The following FHIT variants were observed in gnomAD, a reference collection of about 807,000 sequenced individuals.
FHIT encodes bis(5'-adenosyl)-triphosphatase.
A neutral mutation model predicts 17.9 loss-of-function variants in FHIT; 19 were observed. The ratio of observed to expected loss-of-function variants is 1.06; its 90% CI spans 0.74 to 1.56. FHIT has a LOEUF of 1.56. FHIT is among the 40% of genes most tolerant of loss of function. The probability of loss-of-function intolerance (pLI) is 0.00; values close to 1 mark genes in which losing one functional copy is unlikely to be tolerated. For missense variants in FHIT, 248 were observed against 189.2 expected (o/e 1.31, Z -1.82); for synonymous variants, 81 against 69.7 (o/e 1.16, Z -0.81).
At chr3:60,146,292 C>G (rs764124178) in intron 5 of FHIT, among the ~76,000 whole-genome samples, 24 of 151,042 alleles carry the variant, frequency 1.6e-4, no homozygotes, top group Non-Finnish European at 2.8e-4. Flanking sequence ...TGACTTGCAG[C>G]CAATTTCAAG....
intron 5 of FHIT, among the ~76,000 whole-genome samples, chr3:60,108,481 C>T (rs919708189): frequency 3.3e-5 from 5 of 152,092 alleles, no homozygotes; most frequent in Admixed American, 6.5e-5. Context: ...CTGTGTCCCA[C>T]CTATGCCTGA....
intron 3 of FHIT, among the ~76,000 whole-genome samples, chr3:60,914,513 CAA>C (rs782603421): frequency 8.7e-6 from 1 of 115,446 alleles, no homozygotes; most frequent in Admixed American, 8.9e-5. Flanking sequence ...GTAAGGTTTT[CAA>C]AAAAAAAAAA....
intron 5 of FHIT, among the ~76,000 whole-genome samples, chr3:60,396,857 A>G (rs1248167940): frequency 2.0e-5 from 3 of 152,328 alleles, no homozygotes; most frequent in African/African-American, 7.2e-5. Flanking sequence ...AAGGATACAT[A>G]TAAAGAATTT....
chr3:59,847,808 A>C (rs9855046), intron 8 of FHIT, among the ~76,000 whole-genome samples: 11,639 of 152,192 alleles, frequency 0.076, 1,403 homozygotes, highest in African/African-American at 0.26. Flanking sequence ...CTGAGGTATA[A>C]ACTTAAAGTC....
chr3:60,989,172 T>A (rs2029944911), intron 3 of FHIT, among the ~76,000 whole-genome samples: 1 of 152,112 alleles, frequency 6.6e-6, no homozygotes, highest in Admixed American at 6.5e-5. Flanking sequence ...TATTTATGTA[T>A]TTATTTTTTA....
chr3:60,287,736 GA>G (rs1267308106), intron 5 of FHIT, among the ~76,000 whole-genome samples: 12 of 152,052 alleles, frequency 7.9e-5, no homozygotes, highest in African/African-American at 2.7e-4. Flanking sequence ...GACAAAGAAG[GA>G]AAAGGAAAAG....
At chr3:59,923,221 C>CAAAAAAAAA (rs532237239) in intron 7 of FHIT, among the ~76,000 whole-genome samples, 3 of 67,486 alleles carry the variant, frequency 4.4e-5, no homozygotes, top group East Asian at 5.1e-4. Context: ...CGAGACTCCT[C>CAAAAAAAAA]AAAAAAAAAA....
intron 5 of FHIT, among the ~76,000 whole-genome samples, chr3:60,248,369 C>A (rs1409010905): frequency 2.6e-5 from 4 of 152,072 alleles, no homozygotes; most frequent in Admixed American, 6.6e-5. Flanking sequence ...AAATAAGAAG[C>A]ATTTACCTTG....
intron 5 of FHIT, among the ~76,000 whole-genome samples, chr3:60,500,210 T>C (rs2034466467): frequency 6.6e-6 from 1 of 152,222 alleles, no homozygotes. Context: ...CGTTTACCAA[T>C]TGATGATGTT....
chr3:61,211,415 C>T (rs2039467377), intron 1 of FHIT, among the ~76,000 whole-genome samples: 2 of 152,234 alleles, frequency 1.3e-5, no homozygotes, highest in Admixed American at 6.5e-5. Context: ...GCACAGCAGT[C>T]TGAGATCAAA....
chr3:60,511,429 C>T (rs1159408107), intron 5 of FHIT, among the ~76,000 whole-genome samples: 1 of 151,978 alleles, frequency 6.6e-6, no homozygotes, highest in Non-Finnish European at 1.5e-5. Context: ...TAAGGTATCT[C>T]TAAAGACACT....
intron 4 of FHIT, among the ~76,000 whole-genome samples, chr3:60,797,083 T>G (rs1701009458): frequency 6.6e-6 from 1 of 152,216 alleles, no homozygotes; most frequent in South Asian, 2.1e-4. Flanking sequence ...TCAAAGTTGT[T>G]TGCAAAATAT....
intron 3 of FHIT, among the ~76,000 whole-genome samples, chr3:60,971,945 C>G (rs1179769117): frequency 6.6e-6 from 1 of 152,116 alleles, no homozygotes; most frequent in East Asian, 1.9e-4. Context: ...TTTTTCAAAA[C>G]AACAAATTGG....
chr3:60,971,067 C>T (rs1005490802), intron 3 of FHIT, among the ~76,000 whole-genome samples: 8 of 152,106 alleles, frequency 5.3e-5, no homozygotes, highest in South Asian at 4.2e-4. Flanking sequence ...ATCACACATA[C>T]GAAAAAATAA....
chr3:60,854,435 C>A (rs1703288112), intron 3 of FHIT, among the ~76,000 whole-genome samples: 1 of 151,898 alleles, frequency 6.6e-6, no homozygotes, highest in South Asian at 2.1e-4. Context: ...AGAAAGCTTT[C>A]TTTTCCGGAT....
intron 5 of FHIT, among the ~76,000 whole-genome samples, chr3:60,076,003 C>A (rs1294140135): frequency 6.6e-6 from 1 of 152,050 alleles, no homozygotes; most frequent in Non-Finnish European, 1.5e-5. Flanking sequence ...TGTCTATCTG[C>A]AATTGTTACT....
intron 5 of FHIT, among the ~76,000 whole-genome samples, chr3:60,129,055 T>TTG (rs1245927601): frequency 1.6e-5 from 2 of 125,284 alleles, no homozygotes; most frequent in Non-Finnish European, 3.4e-5. Context: ...TTTTGTTTGT[T>TTG]TTTTTTTTTT....
intron 3 of FHIT, among the ~76,000 whole-genome samples, chr3:60,849,858 C>G (rs950792888): frequency 6.6e-6 from 1 of 152,122 alleles, no homozygotes; most frequent in Admixed American, 6.6e-5. Context: ...CATATGGAGT[C>G]TTATTTACTA....
At chr3:61,216,294 C>T (rs925272657) in intron 1 of FHIT, among the ~76,000 whole-genome samples, 2 of 152,122 alleles carry the variant, frequency 1.3e-5, no homozygotes, top group Admixed American at 1.3e-4. Context: ...AATAAATTTA[C>T]AAGACAAAAA....
Sources: gnomAD v4.1 joint callset for allele counts (sites outside exome capture counted in the v4.1 genomes callset) on GRCh38, gnomAD v4.1.1 for gene constraint, MANE v1.5 for transcripts, NCBI Gene and HGNC (gene_info 2026-07-23, HGNC 2026-07-21) for gene names.